Variants in SCAF11 observed in about 807,000 individuals in gnomAD.
SCAF11 encodes the protein SR-related CTD associated factor 11.
SCAF11 carries 47 observed loss-of-function variants against 140.5 expected under a neutral mutation model. The observed-to-expected ratio is 0.33, with a 90% CI of 0.26 to 0.43. The LOEUF (loss-of-function observed/expected upper bound fraction) is 0.43, where lower values mean the gene tolerates loss of function less well. SCAF11 is among the 20% of genes least tolerant of loss of function. SCAF11 has a pLI of 1.00. For missense variants in SCAF11, 1,645 were observed against 1,705.1 expected, an observed-to-expected ratio of 0.96 and a Z score of 0.62; for synonymous variants, 557 against 579.4, an observed-to-expected ratio of 0.96 and a Z score of 0.55.
upstream of SCAF11, chr12:45,990,671 G>A (rs1322694713): frequency 6.8e-6 from 7 of 1,021,978 alleles, no homozygotes; most frequent in Non-Finnish European, 8.7e-6. Flanking sequence ...CTAAGGTGAC[G>A]ACGGCGGCAG....
chr12:45,982,333 A>G (rs1946366750), intron 1 of SCAF11, among the ~76,000 whole-genome samples: 1 of 152,198 alleles, frequency 6.6e-6, no homozygotes, highest in South Asian at 2.1e-4. Context: ...ATTCCCCATT[A>G]TAACAGCTTA....
chr12:45,937,264 T>A (rs1945192730), intron 6 of SCAF11, among the ~76,000 whole-genome samples: 1 of 152,168 alleles, frequency 6.6e-6, no homozygotes, highest in Admixed American at 6.5e-5. Flanking sequence ...TATCTTCTAC[T>A]CCTGTTGAAT....
Position 45,926,701 on chromosome 12 carries a change from TTTTTC to T in SCAF11, c.2995_2999del (p.Glu999LysfsTer2). ...CATCAGCATCTAGATGGATGTCATT[TTTTTC>T]TTTTCTTGTATTTTCATTCTGTTTC... On this transcript the variant is annotated frameshift_variant, in exon 11 of 15. Transcript: ENST00000369367. LOFTEE classifies it high-confidence loss of function. 1 of 1,613,316 alleles carries T rather than the reference TTTTTC, an allele frequency of 6.2e-7. No homozygotes were observed.
At position 45,923,743 on chromosome 12, in the gene SCAF11, C is replaced by T. The variant is rs143001172; in HGVS notation, c.3907-589G>A. Reference sequence around the variant, plus strand: ...TGTCTCCCAGGCTGGAGTGCAGTGGCGCGATCTTGGCTCACTGCAATCTCC... The same window carrying T: ...TGTCTCCCAGGCTGGAGTGCAGTGGTGCGATCTTGGCTCACTGCAATCTCC... On this transcript the variant is annotated intron_variant, in intron 12 of 14. Transcript: ENST00000369367. Among the ~76,000 whole-genome samples, 144 of 151,294 alleles carry T rather than the reference C, an allele frequency of 9.5e-4. 2 individuals are homozygous for T. Among genetic ancestry groups the T allele is most frequent in the African/African-American group, 2.7e-3 (112 of 41,220 alleles).
intron 1 of SCAF11, among the ~76,000 whole-genome samples, chr12:45,989,289 G>A (rs928567513): frequency 6.6e-6 from 1 of 151,990 alleles, no homozygotes; most frequent in Non-Finnish European, 1.5e-5. Flanking sequence ...CCCAAAATTC[G>A]GGGAAAATTC....
chr12:45,991,616 TAGA>T (rs1348363621), upstream of SCAF11, among the ~76,000 whole-genome samples: 1 of 152,216 alleles, frequency 6.6e-6, no homozygotes, highest in Non-Finnish European at 1.5e-5. Flanking sequence ...GCGTTGTGGT[TAGA>T]TAGTGACGTG....
At chr12:45,965,013 C>T (rs1380014893) in intron 1 of SCAF11, among the ~76,000 whole-genome samples, 3 of 151,748 alleles carry the variant, frequency 2.0e-5, no homozygotes, top group Non-Finnish European at 4.4e-5. Flanking sequence ...GGCATGTAAG[C>T]CATGAATTTT....
chr12:45,982,226 T>C (rs997586508), intron 1 of SCAF11, among the ~76,000 whole-genome samples: 2 of 152,212 alleles, frequency 1.3e-5, no homozygotes, highest in Admixed American at 6.5e-5. Flanking sequence ...TAAAGAAATA[T>C]GACCTATTAC....
At chr12:45,989,026 T>A (rs1345568341) in intron 1 of SCAF11, among the ~76,000 whole-genome samples, 1 of 152,200 alleles carries the variant, frequency 6.6e-6, no homozygotes, top group East Asian at 1.9e-4. Context: ...CCATGAACTT[T>A]TTCTTGCATC....
chr12:45,945,209 CAA>C (rs11348395), intron 6 of SCAF11, 38 bp downstream of exon 6: 2 of 1,225,112 alleles, frequency 1.6e-6, no homozygotes, highest in Non-Finnish European at 2.3e-6. Flanking sequence ...TAAAAAACAA[CAA>C]AAAAAAAGGT....
chr12:45,924,738 T>C lies in SCAF11; in HGVS notation c.3896A>G (p.Lys1299Arg). Reference protein sequence around the residue: ...VNYIASQPDGKQLQGIPSSSH... With the variant: ...VNYIASQPDGRQLQGIPSSSH... ...TTGCTAAAAACATACCTGCAATTGC[T>C]TTCCATCTGGTTGTGAAGCAATGTA... Residue 1299 changes from lysine (K) to arginine (R), a missense_variant, in exon 12 of 15, where the codon AAG becomes AGG. By Grantham distance (26) the Lys-to-Arg change is conservative. Transcript: ENST00000369367. The C allele has an allele frequency of 6.2e-7, 1 of 1,605,708 alleles. No individual in the cohort carries two copies. The highest frequency in any genetic ancestry group is 1.3e-5 in the African/African-American group (1 of 74,864).
At chr12:45,926,065 C>A in intron 11 of SCAF11, 77 bp downstream of exon 11, 2 of 1,420,232 alleles carry the variant, frequency 1.4e-6, no homozygotes. Flanking sequence ...AGGATCATTT[C>A]AACTCATACA....
Position 45,930,445 on chromosome 12 carries a change from G to GTTTTTT in SCAF11, c.841+1055_841+1060dup, listed in dbSNP as rs1262102132. On this transcript the variant is annotated intron_variant, in intron 10 of 14. Coordinates refer to ENST00000369367, the MANE Select transcript of SCAF11 (RefSeq NM_004719.3). ...TAAACCAGGTTTTGCGTTGTGTTTT[G>GTTTTTT]TTTTTTTTTTGTTTTTTTTTTTTTT... is the stretch of plus-strand genomic sequence containing the variant. Among the ~76,000 whole-genome samples the GTTTTTT allele has an allele frequency of 2.9e-4, 36 of 123,678 alleles. 2 individuals carry two copies. The highest frequency in any genetic ancestry group is 1.2e-3 in the African/African-American group (35 of 28,714). 81.1% of individuals were successfully genotyped at this position (123,678 alleles called of 152,430 possible). A position where few individuals can be genotyped will look rare whatever the true frequency, so the allele number is the denominator to read the frequency against.
chr12:45,962,953 A>C (rs1276790007), intron 2 of SCAF11, among the ~76,000 whole-genome samples: 1 of 152,230 alleles, frequency 6.6e-6, no homozygotes. Flanking sequence ...AGCAGCAGGA[A>C]ACACATTTAG....
At chr12:45,922,269 A>G in intron 14 of SCAF11, 75 bp from the exon 15 acceptor site, 1 of 1,505,538 alleles carries the variant, frequency 6.6e-7, no homozygotes, top group Non-Finnish European at 8.9e-7. Context: ...AGCTTTGTGA[A>G]AAACAACCCC....
chr12:45,956,879 T>C (rs1436185649), intron 3 of SCAF11, among the ~76,000 whole-genome samples: 2 of 152,202 alleles, frequency 1.3e-5, no homozygotes, highest in Admixed American at 1.3e-4. Context: ...TTTAGATATA[T>C]GCTTTAGGTG....
Position 45,928,845 on chromosome 12 carries a change from C to G in SCAF11, c.856G>C (p.Gly286Arg). ...TCTTGAGTATGTGCTAATGCATATC[C>G]CTTGCAAGAAGTACCTAATAATATT... ...SFEHFGTSCK[G>R]YALAHTQEGE... Residue 286 changes from glycine to arginine, a missense_variant, in exon 11 of 15, where the codon GGA (glycine) becomes CGA (arginine). Physicochemically the swap from Gly to Arg is moderately radical, Grantham distance 125 (BLOSUM62 -2). Around this residue, in one of 2 missense-constraint regions of SCAF11, gnomAD observed 1,582 missense variants for 1,609.2 expected, o/e 0.98. Coordinates refer to ENST00000369367, the MANE Select transcript of SCAF11 (RefSeq NM_004719.3). 1 of 1,550,468 alleles carries G rather than the reference C, an allele frequency of 6.4e-7. No homozygotes were observed. The highest frequency in any genetic ancestry group is 8.7e-7 in the Non-Finnish European group (1 of 1,153,246).
Position 45,964,199 on chromosome 12 carries a change from A to C in SCAF11, c.-21-11T>G. 8.0e-7 allele frequency: 1 copy of C among 1,249,880 alleles called. No individual in the cohort carries two copies. Among genetic ancestry groups the C allele is most frequent in the Admixed American group, 2.1e-5 (1 of 47,452 alleles). 77.4% of individuals were successfully genotyped at this position (1,249,880 alleles called of 1,614,324 possible). A position where few individuals can be genotyped will look rare whatever the true frequency, so the allele number is the denominator to read the frequency against. Reference sequence around the variant, plus strand: ...TTGGAAAAGGGTTTCCTATAAGATAAATTATAATAGAGAATTTTATGTTTG... The same window carrying C: ...TTGGAAAAGGGTTTCCTATAAGATACATTATAATAGAGAATTTTATGTTTG... On this transcript the variant is annotated splice_polypyrimidine_tract_variant and intron_variant, in intron 1 of 14. Transcript: ENST00000369367.
intron 1 of SCAF11, among the ~76,000 whole-genome samples, chr12:45,972,541 T>C (rs1158376701): frequency 1.4e-5 from 2 of 139,892 alleles, no homozygotes; most frequent in Non-Finnish European, 3.0e-5. Flanking sequence ...AGTACAATCA[T>C]GCCATGCACT....
Sources: gnomAD v4.1 joint callset for allele counts (sites outside exome capture counted in the v4.1 genomes callset) on GRCh38, gnomAD v4.1.1 for gene constraint, gnomAD v4.1.1 regional missense constraint, MANE v1.5 for transcripts, NCBI Gene and HGNC (gene_info 2026-07-23, HGNC 2026-07-21) for gene names.